The following FBXL13 variants were observed in gnomAD, a reference collection of about 807,000 sequenced individuals.
FBXL13 encodes F-box and leucine-rich repeat protein 13.
Under a neutral mutation model 83.6 loss-of-function variants are expected in FBXL13, and 67 were observed. The observed-to-expected ratio is 0.80, with a 90% CI of 0.66 to 0.98. FBXL13 has a LOEUF of 0.98. FBXL13 is among the 50% of genes least tolerant of loss of function. The probability of loss-of-function intolerance (pLI) is 0.00; values close to 1 mark genes in which losing one functional copy is unlikely to be tolerated. For missense variants in FBXL13, 822 were observed against 866.5 expected (o/e 0.95, Z 0.64); for synonymous variants, 272 against 299.5 (o/e 0.91, Z 0.95).
Position 102,912,977 on chromosome 7 carries a change from G to C in FBXL13, c.1008+109C>G. 2.2e-6 allele frequency: 3 copies of C among 1,393,874 alleles called. No homozygotes were observed. In the South Asian group the frequency reaches 4.4e-5, roughly 20 times the overall value. 86.3% of individuals were successfully genotyped at this position (1,393,874 alleles called of 1,614,324 possible). The stretch of plus-strand genomic sequence containing the variant: ...CCATGTAATTTAAAACCTCTGAAAA[G>C]TGTGCTGCGGTCCGTGCACAGCATT... On this transcript the variant is annotated intron_variant, in intron 11 of 19. Coordinates refer to ENST00000313221, the Ensembl canonical transcript of FBXL13.
At chr7:103,054,168 T>A (rs1309770624) in intron 2 of FBXL13, among the ~76,000 whole-genome samples, 1 of 152,182 alleles carries the variant, frequency 6.6e-6, no homozygotes, top group Non-Finnish European at 1.5e-5. Flanking sequence ...GTGGATTGCC[T>A]GAGGTCAGGA....
At chr7:102,824,809 G>A (rs115734201) in intron 18 of FBXL13, among the ~76,000 whole-genome samples, 5,740 of 124,314 alleles carry the variant, frequency 0.046, 312 homozygotes, top group East Asian at 0.17. Context: ...TTTTTTTTCC[G>A]AGTTGGGTTT....
At chr7:102,905,420 G>A (rs544103934) in intron 11 of FBXL13, among the ~76,000 whole-genome samples, 1 of 152,222 alleles carries the variant, frequency 6.6e-6, no homozygotes, top group Non-Finnish European at 1.5e-5. Context: ...TCTGATATAA[G>A]TATAGTGACT....
chr7:102,973,376 G>A, intron 6 of FBXL13: 3 of 678,484 alleles, frequency 4.4e-6, no homozygotes, highest in Non-Finnish European at 8.1e-6. Context: ...CGGAAGACAC[G>A]TACCCCTGAA....
intron 17 of FBXL13, among the ~76,000 whole-genome samples, chr7:102,834,087 A>AGGAAGGAAGG (rs60618094): frequency 5.0e-5 from 3 of 59,706 alleles, no homozygotes; most frequent in East Asian, 4.8e-4. Context: ...GAAGGAAAGA[A>AGGAAGGAAGG]AAGAAAGAAA....
chr7:102,852,116 C>T (rs995121523), intron 17 of FBXL13, among the ~76,000 whole-genome samples: 2 of 152,210 alleles, frequency 1.3e-5, no homozygotes, highest in South Asian at 4.2e-4. Context: ...TGCAGTTCAT[C>T]GCTCTCCATG....
intron 6 of FBXL13, among the ~76,000 whole-genome samples, chr7:102,975,309 C>T (rs1827291927): frequency 6.6e-6 from 1 of 152,184 alleles, no homozygotes; most frequent in Non-Finnish European, 1.5e-5. Context: ...AGTACCTCAC[C>T]CAGTCTTATG....
intron 6 of FBXL13, among the ~76,000 whole-genome samples, chr7:102,990,329 C>A (rs543858839): frequency 6.6e-6 from 1 of 152,194 alleles, no homozygotes; most frequent in South Asian, 2.1e-4. Flanking sequence ...AAATGTCATG[C>A]CACAGAAGCC....
rs538124132 is a variant in FBXL13, at chr7:102,829,431, C to T, written c.1854+3409G>A. ...CTGCTTTCGCTTACCTTATCCCTCT[C>T]AGAGGTGCATTGCAGAGACATTTTG... On this transcript the variant is annotated intron_variant, in intron 18 of 19. Transcript: ENST00000313221. Among the ~76,000 whole-genome samples, 14 of 152,322 alleles carry T rather than the reference C, an allele frequency of 9.2e-5. No individual in the cohort carries two copies. In the South Asian group the frequency reaches 2.7e-3, roughly 29 times the overall value.
chr7:102,844,543 G>A (rs1187428687), intron 17 of FBXL13, among the ~76,000 whole-genome samples: 3 of 152,178 alleles, frequency 2.0e-5, no homozygotes, highest in Non-Finnish European at 1.5e-5. Flanking sequence ...AGAGAGCTTA[G>A]AGGAAACACA....
intron 17 of FBXL13, among the ~76,000 whole-genome samples, chr7:102,838,699 T>G (rs1024012077): frequency 1.3e-5 from 2 of 152,180 alleles, no homozygotes; most frequent in Non-Finnish European, 1.5e-5. Context: ...GATCTAGGGT[T>G]GTGCAGGATG....
intron 11 of FBXL13, among the ~76,000 whole-genome samples, chr7:102,888,818 A>G (rs1467406998): frequency 6.6e-6 from 1 of 152,148 alleles, no homozygotes; most frequent in Non-Finnish European, 1.5e-5. Context: ...GCCTTTCAAA[A>G]CATGAACAGA....
chr7:102,935,923 C>G (rs1014774931), intron 8 of FBXL13, among the ~76,000 whole-genome samples: 1 of 152,136 alleles, frequency 6.6e-6, no homozygotes, highest in East Asian at 1.9e-4. Flanking sequence ...TGGCTCCTCT[C>G]GAGAGAATGT....
At chr7:102,909,028 T>A (rs1814217810) in intron 11 of FBXL13, among the ~76,000 whole-genome samples, 1 of 152,222 alleles carries the variant, frequency 6.6e-6, no homozygotes, top group African/African-American at 2.4e-5. Flanking sequence ...AGGTGCCCTC[T>A]GGGAATCAGG....
intron 10 of FBXL13, among the ~76,000 whole-genome samples, chr7:102,918,996 T>A (rs1340759294): frequency 6.6e-6 from 1 of 152,112 alleles, no homozygotes. Flanking sequence ...GACTGGAGGA[T>A]CTTAAGTAAT....
intron 11 of FBXL13, among the ~76,000 whole-genome samples, chr7:102,909,357 C>T (rs959712883): frequency 6.6e-6 from 1 of 152,034 alleles, no homozygotes; most frequent in Non-Finnish European, 1.5e-5. Context: ...GTCCTGGAAT[C>T]GCGGACCCCA....
chr7:102,964,935 A>C (rs555433045), intron 7 of FBXL13, among the ~76,000 whole-genome samples: 1 of 152,322 alleles, frequency 6.6e-6, no homozygotes, highest in East Asian at 1.9e-4. Context: ...AGCTGAATTC[A>C]GGGCAAAAAA....
chr7:102,913,150 T>C (rs1286167363), exon 11 of FBXL13: 29 of 1,614,070 alleles, frequency 1.8e-5, no homozygotes, highest in Non-Finnish European at 2.2e-5. Flanking sequence ...GTTCAGGTAC[T>C]GTAAGCCTTT....
At chr7:102,821,169 C>A (rs777530650) in intron 19 of FBXL13, among the ~76,000 whole-genome samples, 2 of 152,078 alleles carry the variant, frequency 1.3e-5, no homozygotes, top group Non-Finnish European at 1.5e-5. Context: ...CATTGTATAT[C>A]CTTTAAATGA....
Sources: gnomAD v4.1 joint callset for allele counts (sites outside exome capture counted in the v4.1 genomes callset) on GRCh38, gnomAD v4.1.1 for gene constraint, MANE v1.5 for transcripts, NCBI Gene and HGNC (gene_info 2026-07-23, HGNC 2026-07-21) for gene names.